The following DMAC2 variants were observed in gnomAD, a reference collection of about 807,000 sequenced individuals.
DMAC2 encodes the protein distal membrane-arm assembly complex protein 2.
DMAC2 carries 32 observed loss-of-function variants against 29.6 expected under a neutral mutation model. The observed-to-expected ratio is 1.08, with a 90% CI of 0.81 to 1.45. The LOEUF is 1.45. Among genes scored for constraint, DMAC2 ranks in the 40% most tolerant of loss-of-function variants. The pLI is 0.00. For missense variants in DMAC2, 319 were observed against 340.0 expected (o/e 0.94, Z 0.49); for synonymous variants, 133 against 137.4 (o/e 0.97, Z 0.23).
rs782294417 is a variant in DMAC2 at position 41,436,342 on chromosome 19, A to G, written c.296+50T>C. 14 of 1,519,194 alleles carry G rather than the reference A, an allele frequency of 9.2e-6. No individual in the cohort carries two copies. In the East Asian group the frequency reaches 2.9e-4, roughly 32 times the overall value. The allele number at this position is 1,519,194 out of a possible 1,614,324, so 94.1% of individuals were successfully genotyped here. Reference sequence around the variant, plus strand: ...TGACTGCAGAACCTGGATGTTAGAGAGATACCCCACCACCTGCCCCAGCCC... The same window carrying G: ...TGACTGCAGAACCTGGATGTTAGAGGGATACCCCACCACCTGCCCCAGCCC... On this transcript the variant is annotated intron_variant, in intron 3 of 5. Transcript: ENST00000221943.
At chr19:41,439,468 C>T in intron 1 of DMAC2, 1 of 1,536,488 alleles carries the variant, frequency 6.5e-7, no homozygotes, top group Non-Finnish European at 8.7e-7. Flanking sequence ...CACTAACTTT[C>T]CTTACATTCA....
At chr19:41,432,564 T>TGC (rs1479721534) in intron 5 of DMAC2, 156 bp from the exon 6 acceptor site, 18 of 605,500 alleles carry the variant, frequency 3.0e-5, no homozygotes, top group Non-Finnish European at 4.8e-5. Flanking sequence ...CAGGACAGTG[T>TGC]GTGCGTGTGT....
intron 5 of DMAC2, chr19:41,432,665 T>TGG: frequency 2.2e-6 from 1 of 454,490 alleles, no homozygotes; most frequent in Non-Finnish European, 3.9e-6. Context: ...TGTGTGTGTG[T>TGG]GTGTGTGTGT....
At chr19:41,432,568 C>CGT (rs149102482) in intron 5 of DMAC2, 160 bp from the exon 6 acceptor site, 18,920 of 503,202 alleles carry the variant, frequency 0.038, 233 homozygotes, top group African/African-American at 0.11. Context: ...ACAGTGTGTG[C>CGT]GTGTGTGTGT....
rs375410350 is a variant in DMAC2 at position 41,432,902 on chromosome 19, G to A, written c.596+370C>T. 5 of 518,866 alleles carry A rather than the reference G, an allele frequency of 9.6e-6. No homozygotes were observed. The South Asian group carries it at 1.5e-4, about 16-fold the overall frequency. 32.1% of individuals were successfully genotyped at this position (518,866 alleles called of 1,614,324 possible). A position where few individuals can be genotyped will look rare whatever the true frequency, so the allele number is the denominator to read the frequency against. On this transcript the variant is annotated intron_variant, in intron 5 of 5. Coordinates refer to ENST00000221943, the MANE Select transcript of DMAC2 (RefSeq NM_018035.3). ...TGTGTGCGTGCGTGCATGCGTGCAT[G>A]TGTGTGTGTATAGGGAGGTACTGGC...
intron 5 of DMAC2, chr19:41,432,881 TGC>T (rs1164558255): frequency 2.0e-4 from 104 of 518,584 alleles, no homozygotes; most frequent in South Asian, 4.3e-4. Flanking sequence ...TGTGTGTGTG[TGC>T]GTGCGTGCAT....
intron 5 of DMAC2, 180 bp downstream of exon 5, chr19:41,433,092 C>T: frequency 3.0e-6 from 2 of 676,018 alleles, no homozygotes; most frequent in Non-Finnish European, 4.7e-6. Context: ...AACCAGGAGT[C>T]ATTTAATTCT....
At chr19:41,433,715 G>A (rs782479831) in intron 3 of DMAC2, 42 bp from the exon 4 acceptor site, 11 of 1,612,988 alleles carry the variant, frequency 6.8e-6, no homozygotes, top group Non-Finnish European at 7.6e-6. Context: ...ACCTGAACCT[G>A]CCCCAGGCCT....
chr19:41,439,526 C>T, intron 1 of DMAC2: 1 of 1,537,178 alleles, frequency 6.5e-7, no homozygotes, highest in Non-Finnish European at 8.7e-7. Context: ...ACAATCCCTT[C>T]CAAGCTCTCT....
chr19:41,431,382 G>A lies in DMAC2; in HGVS notation c.*849C>T, dbSNP rs1555768677. On this transcript the variant is annotated 3_prime_UTR_variant, in exon 6 of 6. Transcript: ENST00000221943. ...CTTTAACAGTGAACTGGAATAATGA[G>A]GGCTTCACTGGTAAAATGCTTCTGA... 1 of 499,122 alleles carries A rather than the reference G, an allele frequency of 2.0e-6. No individual in the cohort carries two copies. The highest frequency in any genetic ancestry group is 1.9e-5 in the African/African-American group (1 of 51,486). The allele number at this position is 499,122 out of a possible 1,614,324, so 30.9% of individuals were successfully genotyped here.
intron 3 of DMAC2, among the ~76,000 whole-genome samples, chr19:41,435,997 T>C (rs1555771066): frequency 6.6e-6 from 1 of 151,870 alleles, no homozygotes; most frequent in African/African-American, 2.4e-5. Flanking sequence ...TGCCTCAGCC[T>C]CCCCAGTAGC....
chr19:41,437,000 C>G (rs1448474093), intron 2 of DMAC2, among the ~76,000 whole-genome samples: 1 of 152,132 alleles, frequency 6.6e-6, no homozygotes, highest in African/African-American at 2.4e-5. Flanking sequence ...TAGGGGGTCT[C>G]AAAGCTCAGT....
chr19:41,432,730 T>TGTGG, intron 5 of DMAC2: 1 of 356,204 alleles, frequency 2.8e-6, no homozygotes, highest in Non-Finnish European at 5.0e-6. Flanking sequence ...TGTGTGTGTG[T>TGTGG]AGGGAGGTAC....
intron 2 of DMAC2, among the ~76,000 whole-genome samples, chr19:41,436,803 C>G (rs2304243): frequency 0.46 from 69,281 of 151,984 alleles, 16,293 homozygotes; most frequent in East Asian, 0.56. Flanking sequence ...ACTGTGAGGG[C>G]TAGGGAGCAG....
At position 41,432,297 on chromosome 19, in the gene DMAC2, C is replaced by T. The variant is rs1555769181; in HGVS notation, c.708G>A (p.Trp236Ter). ...LPNCEVVGVD[W>*]AEGLKSGPEE... is the part of the protein sequence containing the mutation. ...CCGGCCCTGACTTCAGGCCCTCAGC[C>T]CAGTCGACTCCCACAACCTCGCAAT... Residue 236 changes from tryptophan to a stop codon, truncating the protein, a stop_gained, in exon 6 of 6, where the codon TGG becomes TGA. Coordinates refer to ENST00000221943, the MANE Select transcript of DMAC2 (RefSeq NM_018035.3). LOFTEE classifies it low-confidence loss of function (END_TRUNC). 1.9e-6 allele frequency: 3 copies of T among 1,614,136 alleles called. No individual in the cohort carries two copies. Among genetic ancestry groups the T allele is most frequent in the Middle Eastern group, 1.6e-4 (1 of 6,062 alleles).
rs201804717 is a variant in DMAC2, at chr19:41,432,318, G to A, written c.687C>T (p.Cys229=). The A allele has an allele frequency of 2.7e-5, 43 of 1,614,046 alleles. 1 individual carries two copies. Among genetic ancestry groups the A allele is most frequent in the South Asian group, 2.6e-4 (24 of 91,092 alleles). The change falls in exon 6 of 6, where the codon TGC becomes TGT. Residue 229 remains cysteine, a synonymous_variant. Transcript: ENST00000221943. ...QILVEEMLPN[C]EVVGVDWAEG... ...CAGCCCAGTCGACTCCCACAACCTC[G>A]CAATTGGGCAGCATCTCCTCCACCA...
intron 3 of DMAC2, among the ~76,000 whole-genome samples, chr19:41,435,787 CTG>C (rs1416533421): frequency 6.6e-6 from 1 of 152,042 alleles, no homozygotes; most frequent in Non-Finnish European, 1.5e-5. Context: ...TCTCAAACTC[CTG>C]GCCTCCAGTG....
At position 41,433,431 on chromosome 19, in the gene DMAC2, C is replaced by A. The variant is rs781938587; in HGVS notation, c.437G>T (p.Arg146Leu). Residue 146 changes from arginine (R) to leucine (L), a missense_variant, in exon 5 of 6, where the codon CGC (arginine) becomes CTC (leucine). Physicochemically the swap from Arg to Leu is moderately radical, Grantham distance 102 (BLOSUM62 -2). Transcript: ENST00000221943. The stretch of plus-strand genomic sequence containing the variant: ...CGACAAGGACTGGAGCTCCTTCAGG[C>A]GGACTGCGGTGGGGAGAGGGTGGGA... ...INYEGLDNLLRLKELQSLSLQ... is the reference protein window; with the variant it reads ...INYEGLDNLLLLKELQSLSLQ... 4 of 1,613,288 alleles carry A rather than the reference C, an allele frequency of 2.5e-6. 1 individual carries two copies. The highest frequency in any genetic ancestry group is 3.3e-4 in the Middle Eastern group (2 of 6,054).
In DMAC2 at chr19:41,432,341, C is replaced by G; in HGVS notation, c.664G>C (p.Val222Leu). 1.2e-6 allele frequency: 2 copies of G among 1,614,166 alleles called. No individual in the cohort carries two copies. The highest frequency in any genetic ancestry group is 1.7e-6 in the Non-Finnish European group (2 of 1,180,034). The change falls in exon 6 of 6, where the codon GTG (valine) becomes CTG (leucine). Residue 222 changes from valine to leucine, a missense_variant. Val to Leu is a conservative substitution (Grantham distance 32). Coordinates refer to ENST00000221943, the MANE Select transcript of DMAC2 (RefSeq NM_018035.3). ...VSNPGLTQIL[V>L]EEMLPNCEVV... ...TCGCAATTGGGCAGCATCTCCTCCA[C>G]CAATATCTGAGTGAGGCCAGGGTTG...
Sources: gnomAD v4.1 joint callset for allele counts (sites outside exome capture counted in the v4.1 genomes callset) on GRCh38, gnomAD v4.1.1 for gene constraint, MANE v1.5 for transcripts, NCBI Gene and HGNC (gene_info 2026-07-23, HGNC 2026-07-21) for gene names.